The following TCF4 variants were observed in gnomAD, a reference collection of about 807,000 sequenced individuals.
TCF4 encodes SL3-3 enhancer factor 2.
Under a neutral mutation model 82.1 loss-of-function variants are expected in TCF4, and 3 were observed. That is an observed-to-expected ratio of 0.04 (90% CI 0.02 to 0.09). The LOEUF (loss-of-function observed/expected upper bound fraction) is 0.09. Ranked by LOEUF, TCF4 falls within the 10% of genes least tolerant of loss-of-function variation. The probability of loss-of-function intolerance (pLI) is 1.00; values close to 1 mark genes in which losing one functional copy is unlikely to be tolerated. For missense variants in TCF4, 518 were observed against 852.7 expected (o/e 0.61, Z 4.89); for synonymous variants, 276 against 309.6 (o/e 0.89, Z 1.14).
chr18:55,372,762 A>C (rs989298068), intron 6 of TCF4, among the ~76,000 whole-genome samples: 2 of 152,196 alleles, frequency 1.3e-5, no homozygotes, highest in African/African-American at 4.8e-5. Flanking sequence ...TCAAAAAGGA[A>C]ACATATCAAC....
intron 5 of TCF4, among the ~76,000 whole-genome samples, chr18:55,456,993 G>T (rs1025243665): frequency 6.6e-6 from 1 of 152,148 alleles, no homozygotes; most frequent in African/African-American, 2.4e-5. Flanking sequence ...ATAAAACAAT[G>T]CATGGAATTT....
chr18:55,418,990 T>G (rs2094626493), intron 5 of TCF4, among the ~76,000 whole-genome samples: 1 of 152,166 alleles, frequency 6.6e-6, no homozygotes, highest in Admixed American at 6.5e-5. Context: ...TGGGCCATTG[T>G]GTACTGTAGA....
intron 3 of TCF4, among the ~76,000 whole-genome samples, chr18:55,518,038 A>G (rs1269890217): frequency 6.6e-6 from 1 of 152,168 alleles, no homozygotes; most frequent in Non-Finnish European, 1.5e-5. Flanking sequence ...CCCATCATTT[A>G]TCCTAAATGA....
intron 6 of TCF4, chr18:55,352,147 G>C (rs2082443985): frequency 6.4e-6 from 1 of 155,492 alleles, no homozygotes; most frequent in Non-Finnish European, 1.4e-5. Context: ...CTGTTCCCTG[G>C]TTAACCCGCT....
intron 5 of TCF4, among the ~76,000 whole-genome samples, chr18:55,428,961 A>G (rs2095088063): frequency 6.6e-6 from 1 of 152,232 alleles, no homozygotes. Context: ...AACAGACAAC[A>G]AAAAAGAGAA....
At chr18:55,346,831 T>C (rs758249017) in intron 8 of TCF4, among the ~76,000 whole-genome samples, 10 of 152,322 alleles carry the variant, frequency 6.6e-5, no homozygotes, top group Non-Finnish European at 1.3e-4. Flanking sequence ...CTGTGTTTGA[T>C]GAAAGTATCT....
intron 5 of TCF4, 78 bp downstream of exon 5, chr18:55,460,920 AGTTTCTAAAAGCAGAACCTCT>A (rs2095858121): frequency 8.7e-6 from 9 of 1,030,062 alleles, no homozygotes; most frequent in Non-Finnish European, 1.2e-5. Flanking sequence ...TAAATATCCA[AGTTTCTAAAAGCAGAACCTCT>A]GTCTAGGACA....
intron 3 of TCF4, among the ~76,000 whole-genome samples, chr18:55,479,860 C>T (rs1047181176): frequency 3.9e-5 from 6 of 152,188 alleles, no homozygotes; most frequent in Admixed American, 3.9e-4. Context: ...AATTCTGGCA[C>T]TATGATTCTA....
chr18:55,247,273 C>A (rs889828742), intron 15 of TCF4, among the ~76,000 whole-genome samples: 1 of 152,194 alleles, frequency 6.6e-6, no homozygotes, highest in Admixed American at 6.5e-5. Context: ...GCATTAGTCA[C>A]ACCCATCACA....
chr18:55,232,347 T>C, intron 17 of TCF4, 162 bp downstream of exon 17: 1 of 734,708 alleles, frequency 1.4e-6, no homozygotes, highest in Admixed American at 2.6e-5. Flanking sequence ...AGTACAGGTA[T>C]CTGAAACGAT....
chr18:55,478,562 C>T (rs1339644125), intron 3 of TCF4, among the ~76,000 whole-genome samples: 1 of 152,040 alleles, frequency 6.6e-6, no homozygotes, highest in African/African-American at 2.4e-5. Flanking sequence ...CAAAAGAAAC[C>T]GCGAAATCTG....
chr18:55,547,524 A>G (rs2097217126), intron 3 of TCF4, among the ~76,000 whole-genome samples: 1 of 152,180 alleles, frequency 6.6e-6, no homozygotes, highest in South Asian at 2.1e-4. Flanking sequence ...GTCTATTTAC[A>G]CTCATTGTGT....
In TCF4 at chr18:55,633,595, T is replaced by A. The variant is rs904008149; in HGVS notation, c.195+2108A>T. 1.3e-5 allele frequency among the ~76,000 whole-genome samples: 2 copies of A among 152,048 alleles called. No homozygotes were observed. The highest frequency in any genetic ancestry group is 4.8e-5 in the African/African-American group (2 of 41,388). On this transcript the variant is annotated intron_variant, in intron 1 of 20. Transcript: ENST00000398339. This position sits in a 1 kb window ranked among gnomAD's most constrained non-coding sequence, Gnocchi z 4.0. ...GGACATATTTTAAACCCAGAATACC[T>A]GGGGAGATACTATAGCATGAGTAAA...
At chr18:55,476,459 T>C (rs186097336) in intron 3 of TCF4, among the ~76,000 whole-genome samples, 8 of 151,630 alleles carry the variant, frequency 5.3e-5, no homozygotes, top group Admixed American at 4.6e-4. Flanking sequence ...CGTTGTTTTT[T>C]TGTTTTTTGT....
intron 8 of TCF4, among the ~76,000 whole-genome samples, chr18:55,315,843 C>T (rs1472700692): frequency 6.6e-6 from 1 of 152,144 alleles, no homozygotes; most frequent in South Asian, 2.1e-4. Flanking sequence ...CACTACTGAT[C>T]TCTTTTTCCT....
At chr18:55,370,454 T>C (rs956904352) in intron 6 of TCF4, among the ~76,000 whole-genome samples, 5 of 151,628 alleles carry the variant, frequency 3.3e-5, no homozygotes, top group Non-Finnish European at 2.9e-5. Flanking sequence ...GATAGATAGA[T>C]AGATAGATAG....
chr18:55,295,336 T>C (rs2066214210), intron 8 of TCF4, among the ~76,000 whole-genome samples: 1 of 152,202 alleles, frequency 6.6e-6, no homozygotes, highest in Non-Finnish European at 1.5e-5. Context: ...CATTTTCCGG[T>C]GATGAGGACG....
intron 6 of TCF4, 109 bp downstream of exon 6, chr18:55,403,345 C>T: frequency 1.6e-6 from 2 of 1,233,872 alleles, no homozygotes; most frequent in South Asian, 1.2e-5. Context: ...ATCTGACTTG[C>T]CGGTGCATCT....
chr18:55,552,960 C>G (rs1420369283), intron 3 of TCF4, among the ~76,000 whole-genome samples: 1 of 152,220 alleles, frequency 6.6e-6, no homozygotes, highest in Non-Finnish European at 1.5e-5. Flanking sequence ...TCGCTCACTG[C>G]TCATATTTGC....
Sources: gnomAD v4.1 joint callset for allele counts (sites outside exome capture counted in the v4.1 genomes callset) on GRCh38, gnomAD v4.1.1 for gene constraint, Gnocchi (gnomAD v3.1) non-coding constraint, MANE v1.5 for transcripts, NCBI Gene and HGNC (gene_info 2026-07-23, HGNC 2026-07-21) for gene names.